The following CLIP4 variants were observed in gnomAD, a reference collection of about 807,000 sequenced individuals.
CLIP4 encodes CAP-Gly domain containing linker protein family member 4, also known as CAP-Gly domain-containing linker protein 4.
A neutral mutation model predicts 73.1 loss-of-function variants in CLIP4; 47 were observed. The ratio of observed to expected loss-of-function variants is 0.64; its 90% CI spans 0.51 to 0.82. CLIP4 has a LOEUF of 0.82. CLIP4 is among the 40% of genes least tolerant of loss of function. CLIP4 has a pLI of 0.00. For synonymous variants in CLIP4, 306 were observed against 295.4 expected, an observed-to-expected ratio of 1.04 and a Z score of -0.37; for missense variants, 874 against 852.9, an observed-to-expected ratio of 1.02 and a Z score of -0.31.
chr2:29,169,970 T>A (rs1667899537), intron 14 of CLIP4, among the ~76,000 whole-genome samples: 1 of 152,180 alleles, frequency 6.6e-6, no homozygotes, highest in Non-Finnish European at 1.5e-5. Flanking sequence ...CTTCACAAGA[T>A]CCACTGTTTT....
intron 1 of CLIP4, among the ~76,000 whole-genome samples, chr2:29,106,893 T>C (rs1202828849): frequency 1.3e-5 from 2 of 152,230 alleles, no homozygotes; most frequent in African/African-American, 2.4e-5. Flanking sequence ...TGTTGAACTC[T>C]ACGTGAATTA....
At position 29,181,831 on chromosome 2, in the gene CLIP4, C is replaced by G; in HGVS notation, c.2056C>G (p.Arg686Gly). The G allele has an allele frequency of 6.2e-7, 1 of 1,614,060 alleles. No homozygotes were observed. Residue 686 changes from arginine (R) to glycine (G), a missense_variant, in exon 16 of 16, where the codon CGA becomes GGA. Arg to Gly is a moderately radical substitution (Grantham distance 125, BLOSUM62 -2). Coordinates refer to ENST00000320081, the MANE Select transcript of CLIP4 (RefSeq NM_024692.6). ...TAAGCCGAACCATGGAGTCTTAGTT[C>G]GACCGAGCAGAGTGACCTATCGGGG... ...TCKPNHGVLV[R>G]PSRVTYRGIN...
intron 1 of CLIP4, among the ~76,000 whole-genome samples, chr2:29,104,008 G>A (rs907964810): frequency 6.6e-6 from 1 of 151,628 alleles, no homozygotes; most frequent in African/African-American, 2.4e-5. Flanking sequence ...CACCCCGCCA[G>A]CACTGCTCTG....
At chr2:29,110,173 C>T (rs544033041) in intron 1 of CLIP4, among the ~76,000 whole-genome samples, 2 of 152,162 alleles carry the variant, frequency 1.3e-5, no homozygotes, top group African/African-American at 2.4e-5. Flanking sequence ...CCAGGTGATT[C>T]TAATGCACAA....
At chr2:29,150,042 G>A (rs1193469284) in intron 8 of CLIP4, among the ~76,000 whole-genome samples, 1 of 152,050 alleles carries the variant, frequency 6.6e-6, no homozygotes, top group Non-Finnish European at 1.5e-5. Flanking sequence ...CTTTTTGCCT[G>A]TGTGATCACC....
chr2:29,111,821 G>A (rs182354910), upstream of CLIP4, among the ~76,000 whole-genome samples: 120 of 152,092 alleles, frequency 7.9e-4, no homozygotes, highest in Middle Eastern at 0.01. Flanking sequence ...TTGCTTCAAG[G>A]ATTGTGCTTT....
chr2:29,128,113 A>G (rs574444052), intron 2 of CLIP4, among the ~76,000 whole-genome samples: 11 of 152,220 alleles, frequency 7.2e-5, no homozygotes, highest in African/African-American at 2.2e-4. Context: ...TCACATATCA[A>G]ATAAGCCTAG....
chr2:29,138,094 G>A (rs1665499598), intron 6 of CLIP4, among the ~76,000 whole-genome samples: 1 of 152,162 alleles, frequency 6.6e-6, no homozygotes, highest in South Asian at 2.1e-4. Flanking sequence ...CCAATGCCTA[G>A]AAGAGTATTT....
chr2:29,128,799 A>G (rs1307605584), intron 2 of CLIP4, among the ~76,000 whole-genome samples: 1 of 152,102 alleles, frequency 6.6e-6, no homozygotes, highest in Non-Finnish European at 1.5e-5. Flanking sequence ...CAAAAAACAT[A>G]TCTTCCTACT....
chr2:29,167,170 A>G (rs537473108), intron 13 of CLIP4, among the ~76,000 whole-genome samples: 1 of 152,286 alleles, frequency 6.6e-6, no homozygotes, highest in South Asian at 2.1e-4. Flanking sequence ...TATAAAATAA[A>G]CTTATTTTCA....
chr2:29,152,891 A>C, intron 9 of CLIP4, 63 bp downstream of exon 9: 1 of 1,558,792 alleles, frequency 6.4e-7, no homozygotes, highest in Admixed American at 1.9e-5. Flanking sequence ...TAGAATTCCT[A>C]ATATTTAGAT....
intron 15 of CLIP4, among the ~76,000 whole-genome samples, chr2:29,180,840 ATGTG>A (rs72495863): frequency 1.4e-4 from 21 of 150,260 alleles, no homozygotes; most frequent in South Asian, 4.2e-4. Context: ...ATATATATGT[ATGTG>A]TGTGTGTGTG....
At chr2:29,176,515 T>C (rs1411162315) in intron 15 of CLIP4, among the ~76,000 whole-genome samples, 4 of 152,172 alleles carry the variant, frequency 2.6e-5, no homozygotes, top group African/African-American at 9.7e-5. Flanking sequence ...AACAGATTTT[T>C]CTCGATCACG....
intron 1 of CLIP4, among the ~76,000 whole-genome samples, chr2:29,119,148 G>C (rs188524610): frequency 1.7e-3 from 262 of 152,362 alleles, no homozygotes; most frequent in Non-Finnish European, 2.6e-3. Flanking sequence ...CACTGCATTG[G>C]TCAGGTAATA....
chr2:29,171,423 G>C (rs563277596), intron 14 of CLIP4, among the ~76,000 whole-genome samples: 1 of 151,656 alleles, frequency 6.6e-6, no homozygotes, highest in Non-Finnish European at 1.5e-5. Flanking sequence ...TTTTGGTTAA[G>C]TATTTGCCGA....
At chr2:29,103,853 A>G (rs1668123503) in intron 1 of CLIP4, among the ~76,000 whole-genome samples, 2 of 152,038 alleles carry the variant, frequency 1.3e-5, no homozygotes. Context: ...AGCTGAGATT[A>G]CAGGTGCCCG....
At chr2:29,109,376 T>TA (rs1457857475) in intron 1 of CLIP4, among the ~76,000 whole-genome samples, 1 of 152,076 alleles carries the variant, frequency 6.6e-6, no homozygotes, top group African/African-American at 2.4e-5. Flanking sequence ...CAATTTTTTT[T>TA]AAAAAATAAA....
At chr2:29,177,618 A>G (rs1573050359) in intron 15 of CLIP4, among the ~76,000 whole-genome samples, 1 of 151,900 alleles carries the variant, frequency 6.6e-6, no homozygotes, top group East Asian at 1.9e-4. Flanking sequence ...TCAGATGACG[A>G]TCTCTGCGTT....
intron 6 of CLIP4, 91 bp from the exon 7 acceptor site, chr2:29,143,617 AT>A: frequency 1.2e-6 from 1 of 834,438 alleles, no homozygotes. Flanking sequence ...TGATGAATGA[AT>A]TTAACGTAAA....
Sources: gnomAD v4.1 joint callset for allele counts (sites outside exome capture counted in the v4.1 genomes callset) on GRCh38, gnomAD v4.1.1 for gene constraint, MANE v1.5 for transcripts, NCBI Gene and HGNC (gene_info 2026-07-23, HGNC 2026-07-21) for gene names.